The following GSE1 variants were observed in gnomAD, a reference collection of about 807,000 sequenced individuals.
GSE1 encodes the protein Gse1 coiled-coil protein.
In GSE1, 32 loss-of-function variants were observed where a neutral mutation model predicts 112.6. The observed-to-expected ratio is 0.28, with a 90% CI of 0.21 to 0.38. GSE1 has a LOEUF of 0.38. Ranked by LOEUF, GSE1 falls within the 10% of genes least tolerant of loss-of-function variation. The pLI, the probability that GSE1 is intolerant of heterozygous loss-of-function variation, is 1.00. For missense variants in GSE1, 2,348 were observed against 1,699.2 expected, an observed-to-expected ratio of 1.38 and a Z score of -6.71; for synonymous variants, 1,115 against 735.6, an observed-to-expected ratio of 1.52 and a Z score of -8.35.
chr16:85,449,152 GA>G (rs1446456709), intron 2 of GSE1, among the ~76,000 whole-genome samples: 1 of 152,208 alleles, frequency 6.6e-6, no homozygotes, highest in Non-Finnish European at 1.5e-5. Flanking sequence ...TGGGAGAACG[GA>G]AGGCTGTTTT....
At chr16:85,178,872 C>T (rs1168027863) in intron 1 of GSE1, among the ~76,000 whole-genome samples, 13 of 1,960 alleles carry the variant, frequency 6.6e-3, no homozygotes, top group African/African-American at 0.02. Flanking sequence ...GAGGGAGGTG[C>T]GGGGGGTGGG....
chr16:85,635,887 C>G (rs978375026), intron 2 of GSE1, among the ~76,000 whole-genome samples: 10 of 152,248 alleles, frequency 6.6e-5, no homozygotes, highest in African/African-American at 2.4e-4. Flanking sequence ...GGTGTTCAGA[C>G]TCGCCTTCCC....
chr16:85,353,721 G>T, intron 1 of GSE1, among the ~76,000 whole-genome samples: 1 of 152,220 alleles, frequency 6.6e-6, no homozygotes, highest in East Asian at 1.9e-4. Flanking sequence ...AAAATCAGAA[G>T]ATCTGTCAAG....
intron 1 of GSE1, among the ~76,000 whole-genome samples, chr16:85,330,813 C>G (rs939893169): frequency 2.0e-5 from 3 of 152,246 alleles, no homozygotes; most frequent in Non-Finnish European, 4.4e-5. Context: ...AGGGACACAT[C>G]TTCCCTGTCT....
At chr16:85,426,734 TGGAA>T (rs2049003047) in intron 2 of GSE1, among the ~76,000 whole-genome samples, 1 of 151,906 alleles carries the variant, frequency 6.6e-6, no homozygotes, top group Non-Finnish European at 1.5e-5. Flanking sequence ...GGATGGTAGA[TGGAA>T]GGATGGATGG....
chr16:85,260,836 C>T lies in GSE1; in HGVS notation c.2283+89029C>T, dbSNP rs183126723. ...CCTGCATGACATCTGCAGTGATGAGCGCATGGGGCGTGGCACTGAGGGCTC... is the reference window on the plus strand; with the variant it reads ...CCTGCATGACATCTGCAGTGATGAGTGCATGGGGCGTGGCACTGAGGGCTC... On this transcript the variant is annotated intron_variant, in intron 1 of 2. Coordinates refer to the GSE1 transcript ENST00000637419. 2.4e-3 allele frequency among the ~76,000 whole-genome samples: 366 copies of T among 152,346 alleles called. 3 individuals are homozygous for T. Among genetic ancestry groups the T allele is most frequent in the Non-Finnish European group, 4.2e-3 (284 of 68,020 alleles).
At chr16:85,629,375 C>A (rs1003195011) in intron 1 of GSE1, among the ~76,000 whole-genome samples, 3 of 152,240 alleles carry the variant, frequency 2.0e-5, no homozygotes, top group Admixed American at 2.0e-4. Flanking sequence ...TGCTCCCAGA[C>A]CTTCAGGGCG....
intron 1 of GSE1, among the ~76,000 whole-genome samples, chr16:85,332,497 C>T (rs559301248): frequency 3.3e-5 from 5 of 152,242 alleles, no homozygotes; most frequent in Middle Eastern, 3.4e-3. Flanking sequence ...GGTCACACAG[C>T]GGGATCCATA....
rs775530529 is a variant in GSE1, at chr16:85,437,212, G to A, written c.2464+79569G>A. On this transcript the variant is annotated intron_variant, in intron 2 of 2. Coordinates refer to the GSE1 transcript ENST00000637419. ...CCTCCCTGCGGACGCCTCCGCCGCC[G>A]GGCTCCCCAAGGAGGCTCCTGGGGT... 4.9e-4 allele frequency among the ~76,000 whole-genome samples: 75 copies of A among 152,238 alleles called. 2 individuals carry two copies. Among genetic ancestry groups the A allele is most frequent in the East Asian group, 2.1e-3 (11 of 5,144 alleles).
At chr16:85,665,700 C>T (rs1415179969) in intron 12 of GSE1, among the ~76,000 whole-genome samples, 2 of 152,244 alleles carry the variant, frequency 1.3e-5, no homozygotes, top group Admixed American at 6.5e-5. Context: ...GGACTGAATA[C>T]CTCCATGCTG....
At chr16:85,575,902 GTTTT>G (rs11331736) in intron 1 of GSE1, among the ~76,000 whole-genome samples, 2 of 132,618 alleles carry the variant, frequency 1.5e-5, no homozygotes, top group African/African-American at 2.7e-5. Flanking sequence ...CCTCGTTTCT[GTTTT>G]TTTTTTTTTT....
At chr16:85,551,984 T>A (rs1437084182), upstream of GSE1, among the ~76,000 whole-genome samples, 3 of 151,448 alleles carry the variant, frequency 2.0e-5, no homozygotes, top group Admixed American at 2.0e-4. Context: ...TGGGGAGCTC[T>A]CCAAGCCCCT....
rs113803649 is a variant in GSE1 at position 85,535,037 on chromosome 16, G to A, written c.2465-98877G>A. Among the ~76,000 whole-genome samples, 350 of 152,334 alleles carry A rather than the reference G, an allele frequency of 2.3e-3. 1 individual carries two copies. Among genetic ancestry groups the A allele is most frequent in the African/African-American group, 7.9e-3 (328 of 41,566 alleles). On this transcript the variant is annotated intron_variant, in intron 2 of 2. Transcript: ENST00000637419. ...TTCTTAGAGCTGATTGTGCGGGACT[G>A]TCTCACATACACAGAGATGGTCTGA...
intron 1 of GSE1, among the ~76,000 whole-genome samples, chr16:85,622,568 T>C (rs2048809465): frequency 1.3e-5 from 2 of 152,244 alleles, no homozygotes; most frequent in Admixed American, 6.5e-5. Context: ...TAAAACTGTA[T>C]GTAACATGCA....
At chr16:85,319,925 T>C (rs935409941) in intron 1 of GSE1, among the ~76,000 whole-genome samples, 2 of 152,194 alleles carry the variant, frequency 1.3e-5, no homozygotes, top group Admixed American at 6.5e-5. Context: ...GTTGAGTCCA[T>C]GGGTAAGCTT....
chr16:85,323,083 C>A (rs2046148124), intron 1 of GSE1, among the ~76,000 whole-genome samples: 1 of 152,032 alleles, frequency 6.6e-6, no homozygotes, highest in Admixed American at 6.5e-5. Flanking sequence ...CAGAACAGGG[C>A]GTCATTGTTT....
chr16:85,493,300 T>A (rs576317133), intron 2 of GSE1, among the ~76,000 whole-genome samples: 1 of 151,866 alleles, frequency 6.6e-6, no homozygotes, highest in Non-Finnish European at 1.5e-5. Context: ...AAAATAATAT[T>A]AGCTGGGCAG....
At chr16:85,379,947 AC>A (rs1375438295) in intron 2 of GSE1, among the ~76,000 whole-genome samples, 1 of 152,214 alleles carries the variant, frequency 6.6e-6, no homozygotes, top group East Asian at 1.9e-4. Flanking sequence ...GACAACATCT[AC>A]CAAGACCCTA....
intron 2 of GSE1, among the ~76,000 whole-genome samples, chr16:85,513,882 G>A (rs912879442): frequency 2.6e-5 from 4 of 152,076 alleles, no homozygotes; most frequent in Non-Finnish European, 4.4e-5. Flanking sequence ...CAGAAATCGG[G>A]ACCCCACCGC....
Sources: gnomAD v4.1 joint callset for allele counts (sites outside exome capture counted in the v4.1 genomes callset) on GRCh38, gnomAD v4.1.1 for gene constraint, MANE v1.5 for transcripts, NCBI Gene and HGNC (gene_info 2026-07-23, HGNC 2026-07-21) for gene names.